Variants in BIRC6 observed in about 807,000 individuals in gnomAD.
BIRC6 encodes the protein baculoviral IAP repeat containing 6.
In BIRC6, 98 loss-of-function variants were observed where a neutral mutation model predicts 503.3. That is an observed-to-expected ratio of 0.19 (90% confidence interval 0.17 to 0.23). The LOEUF (loss-of-function observed/expected upper bound fraction) is 0.23. BIRC6 is among the 10% of genes least tolerant of loss of function. The pLI is 1.00. For missense variants in BIRC6, 5,360 were observed against 5,806.0 expected, an observed-to-expected ratio of 0.92 and a Z score of 2.50; for synonymous variants, 2,240 against 2,078.7, an observed-to-expected ratio of 1.08 and a Z score of -2.11.
At chr2:32,588,557 A>G (rs1015643417) in intron 66 of BIRC6, among the ~76,000 whole-genome samples, 1 of 152,128 alleles carries the variant, frequency 6.6e-6, no homozygotes, top group East Asian at 1.9e-4. Flanking sequence ...TTGTGGTTTA[A>G]TGTACCCTAT....
chr2:32,373,617 G>T (rs1420707646), intron 1 of BIRC6, among the ~76,000 whole-genome samples: 1 of 152,110 alleles, frequency 6.6e-6, no homozygotes, highest in Non-Finnish European at 1.5e-5. Flanking sequence ...GGAGAAATTG[G>T]CACTCTTGTG....
rs896444388 is a variant in BIRC6, at chr2:32,519,500, T to G, written c.11623+554T>G. 5.3e-5 allele frequency among the ~76,000 whole-genome samples: 8 copies of G among 152,094 alleles called. No individual in the cohort carries two copies. In the East Asian group the frequency reaches 1.3e-3, roughly 26 times the overall value. ...AGCAGTTTTTGATGGCAAAGGCATA[T>G]CAACTTTTTATTTTATTTATTTATT... On this transcript the variant is annotated intron_variant, in intron 57 of 73. Transcript: ENST00000421745.
chr2:32,476,809 C>T (rs1274810204), intron 34 of BIRC6, among the ~76,000 whole-genome samples: 1 of 152,118 alleles, frequency 6.6e-6, no homozygotes, highest in African/African-American at 2.4e-5. Flanking sequence ...CAGTGGTGCT[C>T]ACAAGGCTCA....
intron 1 of BIRC6, among the ~76,000 whole-genome samples, chr2:32,358,987 A>G (rs1306317224): frequency 6.6e-6 from 1 of 152,218 alleles, no homozygotes; most frequent in Non-Finnish European, 1.5e-5. Flanking sequence ...AAGTATTTCA[A>G]GTATGAAAAG....
intron 65 of BIRC6, among the ~76,000 whole-genome samples, chr2:32,555,644 A>T (rs1217654422): frequency 6.6e-6 from 1 of 151,800 alleles, no homozygotes; most frequent in Non-Finnish European, 1.5e-5. Context: ...ATAAAAAAAT[A>T]AAAATAAAAT....
chr2:32,555,382 T>A (rs2058701150), intron 65 of BIRC6, among the ~76,000 whole-genome samples: 2 of 152,130 alleles, frequency 1.3e-5, no homozygotes, highest in Admixed American at 1.3e-4. Context: ...GGCTCAAGCC[T>A]ATAATCCCAG....
chr2:32,597,541 G>T (rs1023460153), intron 68 of BIRC6, among the ~76,000 whole-genome samples: 2 of 152,162 alleles, frequency 1.3e-5, no homozygotes, highest in African/African-American at 2.4e-5. Context: ...CCTATAGCAT[G>T]TGAAAGACAA....
intron 55 of BIRC6, among the ~76,000 whole-genome samples, 200 bp from the exon 56 acceptor site, chr2:32,518,054 T>C (rs2055249840): frequency 6.6e-6 from 1 of 152,002 alleles, no homozygotes; most frequent in Non-Finnish European, 1.5e-5. Context: ...GGTATTCATA[T>C]ATTTTAAGAT....
In BIRC6 at chr2:32,388,208, G is replaced by A. The variant is rs762998443; in HGVS notation, c.646-542G>A. On this transcript the variant is annotated intron_variant, in intron 3 of 73. Transcript: ENST00000421745. Reference sequence around the variant, plus strand: ...AGCCTGACCAACCTGATGAAACCCCGTCTGTACTAAAAATACAAAAAAATT... The same window carrying A: ...AGCCTGACCAACCTGATGAAACCCCATCTGTACTAAAAATACAAAAAAATT... 7.3e-5 allele frequency among the ~76,000 whole-genome samples: 11 copies of A among 151,598 alleles called. 1 individual carries two copies. The highest frequency in any genetic ancestry group is 2.7e-4 in the African/African-American group (11 of 41,362).
At position 32,548,005 on chromosome 2, in the gene BIRC6, C is replaced by T; in HGVS notation, c.12966C>T (p.Cys4322=). The T allele has an allele frequency of 6.3e-7, 1 of 1,597,354 alleles. No homozygotes were observed. The highest frequency in any genetic ancestry group is 8.5e-7 in the Non-Finnish European group (1 of 1,175,132). ...KQRLEEEHVT[C]LLQVLASYIN... ...GGCTGGAAGAGGAACATGTTACCTG[C>T]CTTCTGCAGGTATATTTGTAAACTT... Residue 4322 remains cysteine (C), a synonymous_variant, in exon 64 of 74, where the codon TGC becomes TGT. Transcript: ENST00000421745.
At chr2:32,501,345 TATAAC>T (rs1334629178) in intron 46 of BIRC6, among the ~76,000 whole-genome samples, 2 of 152,224 alleles carry the variant, frequency 1.3e-5, no homozygotes, top group Non-Finnish European at 2.9e-5. Context: ...TTCTCAGTCA[TATAAC>T]AGAACAACTT....
At chr2:32,507,935 A>G (rs2149560983) in intron 50 of BIRC6, 45 bp from the exon 51 acceptor site, 1 of 1,563,504 alleles carries the variant, frequency 6.4e-7, no homozygotes, top group Non-Finnish European at 8.7e-7. Flanking sequence ...TGTTCAATCT[A>G]GTATACTTTG....
At chr2:32,399,146 C>T (rs889672222) in intron 6 of BIRC6, among the ~76,000 whole-genome samples, 5 of 151,998 alleles carry the variant, frequency 3.3e-5, no homozygotes, top group East Asian at 3.9e-4. Flanking sequence ...AGTGCAGTGG[C>T]GCGATCTTGG....
At chr2:32,369,691 G>C (rs1219527510) in intron 1 of BIRC6, among the ~76,000 whole-genome samples, 1 of 151,814 alleles carries the variant, frequency 6.6e-6, no homozygotes, top group Admixed American at 6.6e-5. Flanking sequence ...GCTTCCCAAA[G>C]TGCTGGGATT....
intron 1 of BIRC6, among the ~76,000 whole-genome samples, chr2:32,361,606 T>C (rs2034101265): frequency 6.6e-6 from 1 of 152,200 alleles, no homozygotes; most frequent in Non-Finnish European, 1.5e-5. Context: ...TATAGTGACA[T>C]GTATCCACCA....
chr2:32,408,202 A>G (rs1558644086), intron 9 of BIRC6, among the ~76,000 whole-genome samples: 1 of 152,152 alleles, frequency 6.6e-6, no homozygotes, highest in Non-Finnish European at 1.5e-5. Flanking sequence ...TCCTGACCTC[A>G]GGTGATCTGC....
intron 1 of BIRC6, among the ~76,000 whole-genome samples, chr2:32,371,580 A>G (rs2035959895): frequency 1.3e-5 from 2 of 151,832 alleles, no homozygotes; most frequent in African/African-American, 4.8e-5. Flanking sequence ...CAGGGGTTTC[A>G]CTGTGTTACC....
chr2:32,385,169 G>A lies in BIRC6; in HGVS notation c.646-3581G>A, dbSNP rs535821331. 4.6e-5 allele frequency among the ~76,000 whole-genome samples: 7 copies of A among 152,256 alleles called. No homozygotes were observed. In the South Asian group the frequency reaches 1.0e-3, roughly 23 times the overall value. On this transcript the variant is annotated intron_variant, in intron 3 of 73. Transcript: ENST00000421745. ...CTATGATTCTGTAGCCATCCACTTCGGGGTAGTACCAGCATATCATGCAGA... is the reference window on the plus strand; with the variant it reads ...CTATGATTCTGTAGCCATCCACTTCAGGGTAGTACCAGCATATCATGCAGA...
Position 32,478,804 on chromosome 2 carries a change from A to G in BIRC6, c.7238A>G (p.Gln2413Arg). ...CAGTATTCCTTAACTTGCATGCTAC[A>G]AGATATTTTAGCAGGTGTGTTAGGA... is the stretch of plus-strand genomic sequence containing the variant. ...WAQYSLTCML[Q>R]DILAGELLAP... is the part of the protein sequence containing the mutation. Residue 2413 changes from glutamine (Q) to arginine (R), a missense_variant, in exon 36 of 74, where the codon CAA becomes CGA. Physicochemically the swap from Gln to Arg is conservative, Grantham distance 43. Around this residue, in one of 16 missense-constraint regions of BIRC6, gnomAD observed 2,299 missense variants for 2,267.2 expected, o/e 1.01. Coordinates refer to ENST00000421745, the MANE Select transcript of BIRC6 (RefSeq NM_016252.4). 6.2e-7 allele frequency: 1 copy of G among 1,612,522 alleles called. No homozygotes were observed. Among genetic ancestry groups the G allele is most frequent in the Non-Finnish European group, 8.5e-7 (1 of 1,179,522 alleles).
Sources: gnomAD v4.1 joint callset for allele counts (sites outside exome capture counted in the v4.1 genomes callset) on GRCh38, gnomAD v4.1.1 for gene constraint, gnomAD v4.1.1 regional missense constraint, MANE v1.5 for transcripts, NCBI Gene and HGNC (gene_info 2026-07-23, HGNC 2026-07-21) for gene names.